SGMS2: variants seen among roughly 807,000 people sequenced by gnomAD.
The protein encoded by SGMS2 is sphingomyelin synthase 2, also known as phosphatidylcholine:ceramide cholinephosphotransferase 2.
Under a neutral mutation model 43.8 loss-of-function variants are expected in SGMS2, and 21 were observed. The observed-to-expected ratio is 0.48, with a 90% CI of 0.34 to 0.69. The LOEUF (loss-of-function observed/expected upper bound fraction) is 0.69, where lower values mean the gene tolerates loss of function less well. SGMS2 is among the 30% of genes least tolerant of loss of function. The probability of loss-of-function intolerance (pLI) is 0.01; values close to 1 mark genes in which losing one functional copy is unlikely to be tolerated. For synonymous variants in SGMS2, 167 were observed against 160.6 expected, an observed-to-expected ratio of 1.04 and a Z score of -0.30; for missense variants, 384 against 443.2, an observed-to-expected ratio of 0.87 and a Z score of 1.20.
chr4:107,845,737 G>T (rs1209836445), intron 1 of SGMS2, among the ~76,000 whole-genome samples: 8 of 152,092 alleles, frequency 5.3e-5, no homozygotes, highest in Non-Finnish European at 7.3e-5. Context: ...TTTTGTCAGG[G>T]CACAATTTTG....
At chr4:107,857,518 T>A (rs1389261795) in intron 1 of SGMS2, among the ~76,000 whole-genome samples, 1 of 139,200 alleles carries the variant, frequency 7.2e-6, no homozygotes, top group East Asian at 2.0e-4. Flanking sequence ...TGAAATTTGT[T>A]AGGTAGTTAA....
chr4:107,884,099 C>A lies in SGMS2; in HGVS notation c.-244-11211C>A, dbSNP rs542334763. On this transcript the variant is annotated intron_variant, in intron 2 of 6. Coordinates refer to ENST00000690982, the MANE Select transcript of SGMS2 (RefSeq NM_001375905.1). Reference sequence around the variant, plus strand: ...AAAATAATGTTTTCAATTTTTTCTTCTTTTTTCCCCATTTTTCCTAATTTG... The same window carrying A: ...AAAATAATGTTTTCAATTTTTTCTTATTTTTTCCCCATTTTTCCTAATTTG... 2.0e-5 allele frequency among the ~76,000 whole-genome samples: 3 copies of A among 151,734 alleles called. No individual in the cohort carries two copies. The East Asian group carries it at 5.8e-4, about 29-fold the overall frequency.
rs1374581424 is a variant in SGMS2, at chr4:107,903,245, T to G, written c.586T>G (p.Ser196Ala). ...FQCAPKLNGD[S>A]QAKVQRILRL... ...TTGTGTCATTCAGCTCAATGGAGAC[T>G]CTCAGGCAAAAGTTCAACGGATTCT... The change falls in exon 5 of 7, where the codon TCT becomes GCT. Residue 196 changes from serine to alanine, a missense_variant. Physicochemically the swap from Ser to Ala is moderately conservative, Grantham distance 99. Coordinates refer to ENST00000690982, the MANE Select transcript of SGMS2 (RefSeq NM_001375905.1). 4 of 1,614,060 alleles carry G rather than the reference T, an allele frequency of 2.5e-6. No homozygotes were observed. The highest frequency in any genetic ancestry group is 3.4e-6 in the Non-Finnish European group (4 of 1,179,924).
At chr4:107,827,003 T>C (rs1346602990) in intron 1 of SGMS2, among the ~76,000 whole-genome samples, 1 of 152,228 alleles carries the variant, frequency 6.6e-6, no homozygotes, top group Non-Finnish European at 1.5e-5. Context: ...GCAAGTTTAC[T>C]TAAACTCTTT....
At chr4:107,850,045 G>A (rs1727051035) in intron 1 of SGMS2, among the ~76,000 whole-genome samples, 1 of 152,166 alleles carries the variant, frequency 6.6e-6, no homozygotes, top group Non-Finnish European at 1.5e-5. Context: ...GAATGATTTA[G>A]TATCATCTTC....
intron 4 of SGMS2, 64 bp downstream of exon 4, chr4:107,899,756 T>C (rs1730965071): frequency 9.4e-7 from 1 of 1,066,618 alleles, no homozygotes; most frequent in Non-Finnish European, 1.4e-6. Context: ...ACTTACCCTG[T>C]ATTATACATT....
At chr4:107,882,483 C>T (rs1248872080) in intron 2 of SGMS2, among the ~76,000 whole-genome samples, 2 of 151,962 alleles carry the variant, frequency 1.3e-5, no homozygotes, top group Non-Finnish European at 2.9e-5. Flanking sequence ...GTTTGAGCTC[C>T]TTATATATTC....
chr4:107,901,100 T>C (rs895971866), intron 4 of SGMS2, among the ~76,000 whole-genome samples: 1 of 152,164 alleles, frequency 6.6e-6, no homozygotes, highest in Non-Finnish European at 1.5e-5. Context: ...TTGTCCTCTG[T>C]GGAAGAGTTG....
chr4:107,851,997 T>C (rs754067163), intron 1 of SGMS2, among the ~76,000 whole-genome samples: 5 of 151,944 alleles, frequency 3.3e-5, no homozygotes, highest in Non-Finnish European at 7.4e-5. Context: ...CACAGACTGA[T>C]CAAAATGAAA....
Position 107,895,441 on chromosome 4 carries a change from G to A in SGMS2, c.-113G>A, listed in dbSNP as rs1398463086. The stretch of plus-strand genomic sequence containing the variant: ...TCTACATTTTGTATTAGGAAACAAA[G>A]TCCATTGTAAGAGTCCATGTTGATC... On this transcript the variant is annotated 5_prime_UTR_variant, in exon 3 of 7. Transcript: ENST00000690982. 1 of 1,092,568 alleles carries A rather than the reference G, an allele frequency of 9.2e-7. No individual in the cohort carries two copies. The highest frequency in any genetic ancestry group is 1.3e-6 in the Non-Finnish European group (1 of 752,374). The allele number at this position is 1,092,568 out of a possible 1,614,324, so 67.7% of individuals were successfully genotyped here.
chr4:107,825,482 A>T (rs1309873137), intron 1 of SGMS2, among the ~76,000 whole-genome samples: 1 of 151,824 alleles, frequency 6.6e-6, no homozygotes, highest in East Asian at 1.9e-4. Context: ...CATTTCGGGT[A>T]CCCCGGTCCT....
At chr4:107,831,082 G>A (rs756990458) in intron 1 of SGMS2, among the ~76,000 whole-genome samples, 52 of 152,324 alleles carry the variant, frequency 3.4e-4, no homozygotes, top group South Asian at 1.9e-3. Context: ...GGTGAAACAA[G>A]GCAAAAGTAC....
At chr4:107,856,753 G>A (rs1727454713) in intron 1 of SGMS2, among the ~76,000 whole-genome samples, 1 of 152,112 alleles carries the variant, frequency 6.6e-6, no homozygotes, top group South Asian at 2.1e-4. Context: ...CCTTTTAATG[G>A]GGTCTAGTAA....
At chr4:107,837,322 A>T (rs1726243644) in intron 1 of SGMS2, among the ~76,000 whole-genome samples, 1 of 152,176 alleles carries the variant, frequency 6.6e-6, no homozygotes, top group Non-Finnish European at 1.5e-5. Flanking sequence ...GTAGAGAGTG[A>T]CTGGGGCAGC....
intron 1 of SGMS2, among the ~76,000 whole-genome samples, chr4:107,858,012 C>A (rs534074632): frequency 2.0e-5 from 3 of 151,716 alleles, no homozygotes; most frequent in South Asian, 2.1e-4. Context: ...GCTGCCCCAC[C>A]CCCCCCATCC....
chr4:107,883,043 C>A (rs1235504789), intron 2 of SGMS2, among the ~76,000 whole-genome samples: 1 of 152,008 alleles, frequency 6.6e-6, no homozygotes, highest in African/African-American at 2.4e-5. Context: ...TTTAATATAT[C>A]TTAAACACTT....
chr4:107,891,269 TG>T (rs1730195293), intron 2 of SGMS2, among the ~76,000 whole-genome samples: 1 of 150,224 alleles, frequency 6.7e-6, no homozygotes, highest in Non-Finnish European at 1.5e-5. Flanking sequence ...TCAAACCCAA[TG>T]GGAAAAAGAC....
intron 2 of SGMS2, among the ~76,000 whole-genome samples, chr4:107,877,469 A>T (rs1294251193): frequency 6.6e-6 from 1 of 152,194 alleles, no homozygotes; most frequent in Non-Finnish European, 1.5e-5. Context: ...AGAAGCAGAT[A>T]ATTATCACTG....
At chr4:107,869,651 A>T (rs1045145223) in intron 2 of SGMS2, among the ~76,000 whole-genome samples, 3 of 152,122 alleles carry the variant, frequency 2.0e-5, no homozygotes, top group African/African-American at 7.2e-5. Context: ...TGTTAGGTGT[A>T]AAAATGGCAT....
Sources: gnomAD v4.1 joint callset for allele counts (sites outside exome capture counted in the v4.1 genomes callset) on GRCh38, gnomAD v4.1.1 for gene constraint, MANE v1.5 for transcripts, NCBI Gene and HGNC (gene_info 2026-07-23, HGNC 2026-07-21) for gene names.